Variants in USP39 observed in about 807,000 individuals in gnomAD.
The protein encoded by USP39 is ubiquitin specific peptidase 39.
Under a neutral mutation model 66.4 loss-of-function variants are expected in USP39, and 38 were observed. That is an observed-to-expected ratio of 0.57 (90% confidence interval 0.44 to 0.75). The LOEUF (loss-of-function observed/expected upper bound fraction) is 0.75, where lower values mean the gene tolerates loss of function less well. Ranked by LOEUF, USP39 falls within the 30% of genes least tolerant of loss-of-function variation. The probability of loss-of-function intolerance (pLI) is 0.00; values close to 1 mark genes in which losing one functional copy is unlikely to be tolerated. For synonymous variants in USP39, 303 were observed against 274.6 expected (o/e 1.10, Z -1.02); for missense variants, 608 against 714.4 (o/e 0.85, Z 1.70).
chr2:85,604,994 C>A (rs1436026782), intron 1 of USP39, among the ~76,000 whole-genome samples: 1 of 152,172 alleles, frequency 6.6e-6, no homozygotes, highest in Admixed American at 6.5e-5. Context: ...GACAGAAGGG[C>A]TCTTCATAGG....
rs1194365075 is a variant in USP39, at chr2:85,616,211, A to G, written c.16A>G (p.Lys6Glu). 6.2e-6 allele frequency: 9 copies of G among 1,461,022 alleles called. No individual in the cohort carries two copies. The highest frequency in any genetic ancestry group is 8.2e-6 in the Non-Finnish European group (9 of 1,099,154). 90.5% of individuals were successfully genotyped at this position (1,461,022 alleles called of 1,614,324 possible). The change falls in exon 1 of 13, where the codon AAG becomes GAG. Residue 6 changes from lysine (K) to glutamate (E), a missense_variant. By Grantham distance (56) the Lys-to-Glu change is moderately conservative. Coordinates refer to ENST00000323701, the MANE Select transcript of USP39 (RefSeq NM_006590.4). ...GGTAGTGGAGATGTCCGGCCGGTCT[A>G]AGCGGGAGTCTCGCGGTTCCACTCG... MSGRS[K>E]RESRGSTRGK...
At chr2:85,630,684 A>AAG in intron 5 of USP39, 37 bp from the exon 6 acceptor site, 2 of 1,599,882 alleles carry the variant, frequency 1.3e-6, no homozygotes, top group Non-Finnish European at 1.7e-6. Flanking sequence ...GGGTCCTACA[A>AAG]AGGGGCTTTG....
At chr2:85,610,516 GTTGT>G (rs1012665858), upstream of USP39, 4 of 152,216 alleles carry the variant, frequency 2.6e-5, no homozygotes, top group African/African-American at 7.2e-5. Context: ...TCTTGGGCAA[GTTGT>G]TTAACCTCTC....
intron 3 of USP39, 83 bp downstream of exon 3, chr2:85,621,662 G>T: frequency 9.7e-7 from 1 of 1,035,994 alleles, no homozygotes; most frequent in Non-Finnish European, 1.4e-6. Flanking sequence ...CTGTTCTCAG[G>T]AATCATATCT....
At chr2:85,636,970 C>T (rs1482265071) in intron 7 of USP39, among the ~76,000 whole-genome samples, 1 of 152,120 alleles carries the variant, frequency 6.6e-6, no homozygotes, top group African/African-American at 2.4e-5. Flanking sequence ...CTGTCATTGT[C>T]CTCTTGTCTT....
intron 6 of USP39, among the ~76,000 whole-genome samples, chr2:85,634,182 G>A (rs1675586745): frequency 6.6e-6 from 1 of 151,910 alleles, no homozygotes; most frequent in Admixed American, 6.6e-5. Context: ...AGAAATAGGA[G>A]GAATCAAGGT....
intron 5 of USP39, among the ~76,000 whole-genome samples, chr2:85,630,520 G>T (rs1675234990): frequency 6.6e-6 from 1 of 152,196 alleles, no homozygotes; most frequent in Admixed American, 6.5e-5. Flanking sequence ...CTGCAGAACT[G>T]TAGTTCGTAT....
chr2:85,641,926 A>AAG (rs1558872813), intron 10 of USP39, among the ~76,000 whole-genome samples: 11 of 112,326 alleles, frequency 9.8e-5, no homozygotes, highest in African/African-American at 3.4e-4. Flanking sequence ...AAAAAAAAAA[A>AAG]AAAGAAAGAA....
upstream of USP39, chr2:85,611,972 GC>G: frequency 6.6e-7 from 1 of 1,507,740 alleles, no homozygotes; most frequent in Non-Finnish European, 8.8e-7. Context: ...CGGGGATGCG[GC>G]CCCGCCTCCA....
intron 11 of USP39, 180 bp downstream of exon 11, chr2:85,645,263 A>T: frequency 1.4e-6 from 1 of 697,118 alleles, no homozygotes. Context: ...TACACATTGG[A>T]CTCACCTTGG....
At chr2:85,605,465 A>T (rs529375491) in intron 1 of USP39, among the ~76,000 whole-genome samples, 23 of 152,328 alleles carry the variant, frequency 1.5e-4, no homozygotes, top group African/African-American at 5.1e-4. Flanking sequence ...TTTACTCAGA[A>T]GGTCTTCAAT....
upstream of USP39, among the ~76,000 whole-genome samples, chr2:85,615,135 C>T (rs368703322): frequency 6.6e-6 from 1 of 152,112 alleles, no homozygotes. Context: ...ATTCTCCTGC[C>T]TCAGCCTCCT....
intron 6 of USP39, among the ~76,000 whole-genome samples, chr2:85,633,636 C>T (rs1675539201): frequency 6.6e-6 from 1 of 151,920 alleles, no homozygotes; most frequent in African/African-American, 2.4e-5. Context: ...GGCATGGTGG[C>T]ATGTACCTGT....
upstream of USP39, chr2:85,612,367 G>C: frequency 6.5e-7 from 1 of 1,536,040 alleles, no homozygotes; most frequent in East Asian, 2.4e-5. Context: ...CTGGTAATAG[G>C]ATGCTGTGCA....
At chr2:85,619,908 G>A (rs1674322008) in intron 2 of USP39, among the ~76,000 whole-genome samples, 1 of 151,796 alleles carries the variant, frequency 6.6e-6, no homozygotes, top group South Asian at 2.1e-4. Context: ...AGGCTGGAGT[G>A]CAATGGCGCG....
chr2:85,604,341 C>T (rs984375589), intron 1 of USP39, among the ~76,000 whole-genome samples: 1 of 152,142 alleles, frequency 6.6e-6, no homozygotes, highest in East Asian at 1.9e-4. Flanking sequence ...TCCCGAGTAG[C>T]TGGGATTACA....
intron 8 of USP39, among the ~76,000 whole-genome samples, chr2:85,638,078 A>G (rs1007151432): frequency 2.7e-5 from 4 of 146,314 alleles, no homozygotes; most frequent in Non-Finnish European, 6.0e-5. Context: ...CTGGAGTGCA[A>G]TGGCATGATC....
At chr2:85,621,613 C>G in intron 3 of USP39, 34 bp downstream of exon 3, 1 of 1,493,884 alleles carries the variant, frequency 6.7e-7, no homozygotes, top group Non-Finnish European at 9.0e-7. Flanking sequence ...TGCAGATCTG[C>G]TCCAGAGGGA....
rs145674903 is a variant in USP39 at position 85,646,465 on chromosome 2, T to G, written c.1563+1382T>G. On this transcript the variant is annotated intron_variant, in intron 11 of 12. Coordinates refer to ENST00000323701, the MANE Select transcript of USP39 (RefSeq NM_006590.4). ...CATCTTTTTTACAGAGGAGGAGACCTAGGCTCAGAGTTTCAGTAATTGACC... is the reference window on the plus strand; with the variant it reads ...CATCTTTTTTACAGAGGAGGAGACCGAGGCTCAGAGTTTCAGTAATTGACC... 4.6e-3 allele frequency among the ~76,000 whole-genome samples: 704 copies of G among 152,318 alleles called. 5 individuals are homozygous for G. The highest frequency in any genetic ancestry group is 0.016 in the African/African-American group (680 of 41,572).
Sources: gnomAD v4.1 joint callset for allele counts (sites outside exome capture counted in the v4.1 genomes callset) on GRCh38, gnomAD v4.1.1 for gene constraint, MANE v1.5 for transcripts, NCBI Gene and HGNC (gene_info 2026-07-23, HGNC 2026-07-21) for gene names.